The following ETFDH variants were observed in gnomAD, a reference collection of about 807,000 sequenced individuals.
ETFDH encodes electron transfer flavoprotein-ubiquinone oxidoreductase, mitochondrial.
A neutral mutation model predicts 73.2 loss-of-function variants in ETFDH; 61 were observed. The observed-to-expected ratio is 0.83, with a 90% CI of 0.68 to 1.03. The LOEUF (loss-of-function observed/expected upper bound fraction) is 1.03. Ranked by LOEUF, ETFDH falls within the 50% of genes least tolerant of loss-of-function variation. ETFDH has a pLI of 0.00. For missense variants in ETFDH, 685 were observed against 745.0 expected, an observed-to-expected ratio of 0.92 and a Z score of 0.94; for synonymous variants, 243 against 253.3, an observed-to-expected ratio of 0.96 and a Z score of 0.39.
At chr4:158,683,858 T>C (rs756607930) in intron 3 of ETFDH, among the ~76,000 whole-genome samples, 54 of 152,170 alleles carry the variant, frequency 3.5e-4, no homozygotes, top group Non-Finnish European at 6.5e-4. Context: ...ACACAGACTT[T>C]GGTGCCTTTT....
chr4:158,691,687 T>C (rs1336705299), intron 6 of ETFDH, among the ~76,000 whole-genome samples: 1 of 152,230 alleles, frequency 6.6e-6, no homozygotes, highest in African/African-American at 2.4e-5. Flanking sequence ...ATAAAACTGA[T>C]TCTCCACCTC....
chr4:158,682,496 T>C (rs1773889888), intron 3 of ETFDH, 72 bp downstream of exon 3: 1 of 1,200,664 alleles, frequency 8.3e-7, no homozygotes, highest in East Asian at 2.3e-5. Flanking sequence ...CCCAAATTAC[T>C]GGAATATAGG....
chr4:158,692,888 AACATAT>A (rs1240453635), intron 6 of ETFDH, among the ~76,000 whole-genome samples: 88 of 119,100 alleles, frequency 7.4e-4, no homozygotes, highest in African/African-American at 2.7e-3. Flanking sequence ...AAAAAAAAAA[AACATAT>A]ATATATATAT....
intron 5 of ETFDH, among the ~76,000 whole-genome samples, chr4:158,688,786 A>G (rs961528509): frequency 6.6e-6 from 1 of 152,244 alleles, no homozygotes. Context: ...AGCCAGGTAG[A>G]TACAATCCAT....
intron 8 of ETFDH, among the ~76,000 whole-genome samples, 156 bp from the exon 9 acceptor site, chr4:158,698,831 T>C (rs1350015823): frequency 6.6e-6 from 1 of 152,266 alleles, no homozygotes; most frequent in Admixed American, 6.5e-5. Flanking sequence ...TTTATACAAT[T>C]TTTAATTTAC....
At chr4:158,703,848 G>C (rs1774532929) in intron 10 of ETFDH, among the ~76,000 whole-genome samples, 1 of 152,232 alleles carries the variant, frequency 6.6e-6, no homozygotes, top group South Asian at 2.1e-4. Context: ...TGTAATCCCA[G>C]CACTTTGGTA....
At chr4:158,680,420 G>GA in intron 1 of ETFDH, 47 bp from the exon 2 acceptor site, 1 of 1,464,022 alleles carries the variant, frequency 6.8e-7, no homozygotes, top group South Asian at 1.1e-5. Context: ...GTCTACTGAG[G>GA]AAAACTAATT....
chr4:158,706,462 A>C, intron 11 of ETFDH, 91 bp downstream of exon 11: 1 of 1,206,078 alleles, frequency 8.3e-7, no homozygotes, highest in Non-Finnish European at 1.2e-6. Context: ...TAATGTTTTC[A>C]ACTTGGAGAA....
intron 9 of ETFDH, 29 bp from the exon 10 acceptor site, chr4:158,703,394 A>T (rs1420973251): frequency 6.5e-7 from 1 of 1,536,030 alleles, no homozygotes; most frequent in Non-Finnish European, 9.0e-7. Flanking sequence ...ATGAACTAAC[A>T]AATGTATTCT....
intron 6 of ETFDH, among the ~76,000 whole-genome samples, chr4:158,692,986 G>A (rs1321765875): frequency 6.6e-6 from 1 of 150,810 alleles, no homozygotes; most frequent in East Asian, 1.9e-4. Flanking sequence ...TAATAGCATA[G>A]AAGAGTACAA....
intron 2 of ETFDH, among the ~76,000 whole-genome samples, 153 bp downstream of exon 2, chr4:158,680,760 C>T (rs1773834692): frequency 6.6e-6 from 1 of 152,156 alleles, no homozygotes; most frequent in Admixed American, 6.5e-5. Flanking sequence ...ACCCTTCAGT[C>T]AACAACACGA....
intron 1 of ETFDH, among the ~76,000 whole-genome samples, chr4:158,676,729 T>G: frequency 6.6e-6 from 1 of 152,342 alleles, no homozygotes; most frequent in East Asian, 1.9e-4. Context: ...TATTATTGCT[T>G]GACTTCTCGA....
intron 9 of ETFDH, among the ~76,000 whole-genome samples, chr4:158,702,856 A>G (rs1239678842): frequency 1.3e-5 from 2 of 152,118 alleles, no homozygotes; most frequent in South Asian, 2.1e-4. Flanking sequence ...GCTGGGTCAT[A>G]TGGGTAGTTC....
chr4:158,683,973 A>T (rs1481691691), intron 3 of ETFDH, among the ~76,000 whole-genome samples: 1 of 152,212 alleles, frequency 6.6e-6, no homozygotes, highest in African/African-American at 2.4e-5. Context: ...GTTTCAACTT[A>T]AGAGCCAAGC....
chr4:158,692,332 G>A (rs1359057514), intron 6 of ETFDH, among the ~76,000 whole-genome samples: 2 of 149,440 alleles, frequency 1.3e-5, no homozygotes, highest in East Asian at 2.0e-4. Flanking sequence ...CCCAGGAGGC[G>A]GAGCTTGCAG....
rs2150306573 is a variant in ETFDH, at chr4:158,685,122, G to T, written c.509G>T (p.Gly170Val). The T allele has an allele frequency of 6.2e-7, 1 of 1,606,978 alleles. No homozygotes were observed. Among genetic ancestry groups the T allele is most frequent in the East Asian group, 2.2e-5 (1 of 44,786 alleles). The change falls in exon 5 of 13, where the codon GGC (glycine) becomes GTC (valine). Residue 170 changes from glycine to valine, a missense_variant. Coordinates refer to ENST00000511912, the MANE Select transcript of ETFDH (RefSeq NM_004453.4). The stretch of plus-strand genomic sequence containing the variant: ...ATAGGGCTTCCAATGAATAATCATG[G>T]CAATTACATTGTACGCTTGGGACAT... Reference protein sequence around the residue: ...ILPGLPMNNHGNYIVRLGHLV... With the variant: ...ILPGLPMNNHVNYIVRLGHLV...
rs766776740 is a variant in ETFDH, at chr4:158,706,263, A to G, written c.1360A>G (p.Ile454Val). 3.1e-6 allele frequency: 5 copies of G among 1,612,388 alleles called. No homozygotes were observed. The highest frequency in any genetic ancestry group is 1.1e-5 in the South Asian group (1 of 91,044). The stretch of plus-strand genomic sequence containing the variant: ...GAAAGAGCTATATTCTGTTAGAAAT[A>G]TAAGACCGTCCTGCCACGGAGTACT... ...VWKELYSVRN[I>V]RPSCHGVLGV... The change falls in exon 11 of 13, where the codon ATA (isoleucine) becomes GTA (valine). Residue 454 changes from isoleucine to valine, a missense_variant. Ile to Val is a conservative substitution (Grantham distance 29). This residue lies in a region of ETFDH where 201 missense variants were observed against 225.2 expected (regional missense o/e 0.89). Transcript: ENST00000511912.
rs1297866480 is a variant in ETFDH, at chr4:158,682,238, A to T, written c.219A>T (p.Ile73=). The T allele has an allele frequency of 6.2e-7, 1 of 1,614,068 alleles. No individual in the cohort carries two copies. The highest frequency in any genetic ancestry group is 2.2e-5 in the East Asian group (1 of 44,892). Residue 73 remains isoleucine (I), a synonymous_variant, in exon 3 of 13, where the codon ATA becomes ATT. Coordinates refer to ENST00000511912, the MANE Select transcript of ETFDH (RefSeq NM_004453.4). Reference sequence around the variant, plus strand: ...TTGCAGAAGAAGCAGATGTTGTAATAGTTGGTGCAGGCCCTGCAGGGCTCT... The same window carrying T: ...TTGCAGAAGAAGCAGATGTTGTAATTGTTGGTGCAGGCCCTGCAGGGCTCT... ...ERFAEEADVV[I]VGAGPAGLSA...
intron 7 of ETFDH, among the ~76,000 whole-genome samples, chr4:158,697,309 G>A (rs972442088): frequency 6.6e-6 from 1 of 152,000 alleles, no homozygotes; most frequent in African/African-American, 2.4e-5. Context: ...TGGCCAGGAT[G>A]GTCTCGAACT....
Sources: gnomAD v4.1 joint callset for allele counts (sites outside exome capture counted in the v4.1 genomes callset) on GRCh38, gnomAD v4.1.1 for gene constraint, gnomAD v4.1.1 regional missense constraint, MANE v1.5 for transcripts, NCBI Gene and HGNC (gene_info 2026-07-23, HGNC 2026-07-21) for gene names.